RPH3AL: variants seen among roughly 807,000 people sequenced by gnomAD.
RPH3AL encodes the protein rabphilin 3A like (without C2 domains).
A neutral mutation model predicts 43.1 loss-of-function variants in RPH3AL; 38 were observed. The observed-to-expected ratio is 0.88, with a 90% CI of 0.68 to 1.15. The LOEUF (loss-of-function observed/expected upper bound fraction) is 1.15, where lower values mean the gene tolerates loss of function less well. Ranked by LOEUF, RPH3AL falls within the 50% of genes most tolerant of loss-of-function variation. The probability of loss-of-function intolerance (pLI) is 0.00; values close to 1 mark genes in which losing one functional copy is unlikely to be tolerated. For missense variants in RPH3AL, 462 were observed against 423.2 expected, an observed-to-expected ratio of 1.09 and a Z score of -0.81; for synonymous variants, 189 against 176.3, an observed-to-expected ratio of 1.07 and a Z score of -0.57.
intron 5 of RPH3AL, among the ~76,000 whole-genome samples, chr17:299,934 T>C (rs2043280057): frequency 6.6e-6 from 1 of 152,248 alleles, no homozygotes; most frequent in African/African-American, 2.4e-5. Flanking sequence ...AGGACAGCCC[T>C]GACCAGTGTC....
In RPH3AL at chr17:225,554, C is replaced by T. The variant is rs78816783; in HGVS notation, c.614-5818G>A. 0.031 allele frequency among the ~76,000 whole-genome samples: 4,794 copies of T among 152,228 alleles called. 261 individuals carry two copies. Among genetic ancestry groups the T allele is most frequent in the African/African-American group, 0.11 (4,582 of 41,520 alleles). ...TGGAGCAAGTTGTTCCCATGTTGCC[C>T]TTGGGGCAGCTACAGTGAAATTAGA... On this transcript the variant is annotated intron_variant, in intron 7 of 9. Coordinates refer to ENST00000331302, the MANE Select transcript of RPH3AL (RefSeq NM_006987.4). The surrounding 1 kb of genome is among the most constrained non-coding windows in gnomAD (Gnocchi z 4.4).
In RPH3AL at chr17:247,178, C is replaced by T. The variant is rs376263380; in HGVS notation, c.546G>A (p.Thr182=). The part of the protein sequence containing the change: ...ADDPHFRPLP[T]EPAEREPRSS... Reference sequence around the variant, plus strand: ...TTCTGGGCTCTCGCTCTGCCGGTTCCGTGGGCAAAGGTCGGAAGTGGGGGT... The same window carrying T: ...TTCTGGGCTCTCGCTCTGCCGGTTCTGTGGGCAAAGGTCGGAAGTGGGGGT... The change falls in exon 7 of 10, where the codon ACG becomes ACA. Residue 182 remains threonine, a synonymous_variant. Transcript: ENST00000331302. 21 of 1,613,990 alleles carry T rather than the reference C, an allele frequency of 1.3e-5. No individual in the cohort carries two copies. Among genetic ancestry groups the T allele is most frequent in the African/African-American group, 2.7e-5 (2 of 74,920 alleles).
intron 5 of RPH3AL, among the ~76,000 whole-genome samples, chr17:310,009 C>T (rs1265950890): frequency 6.6e-6 from 1 of 152,138 alleles, no homozygotes; most frequent in Non-Finnish European, 1.5e-5. Flanking sequence ...GCAGGCTCCC[C>T]TGCACCCACA....
At chr17:285,288 C>G (rs560675371) in intron 5 of RPH3AL, among the ~76,000 whole-genome samples, 2 of 152,158 alleles carry the variant, frequency 1.3e-5, no homozygotes, top group South Asian at 2.1e-4. Flanking sequence ...CCGCACGGCA[C>G]GGCGCACAGG....
chr17:257,317 TG>T (rs1841101903), intron 6 of RPH3AL, among the ~76,000 whole-genome samples: 1 of 17,660 alleles, frequency 5.7e-5, no homozygotes, highest in African/African-American at 1.5e-4. Flanking sequence ...GTACTTCCTA[TG>T]AGGGGAGCCG....
At chr17:292,281 G>A (rs746110469) in intron 5 of RPH3AL, among the ~76,000 whole-genome samples, 90 of 152,346 alleles carry the variant, frequency 5.9e-4, no homozygotes, top group Middle Eastern at 3.4e-3. Context: ...GGCCAGCAGC[G>A]GAAAGGCTGG....
intron 2 of RPH3AL, chr17:331,551 G>A (rs1379353348): frequency 1.5e-5 from 19 of 1,262,044 alleles, no homozygotes; most frequent in Non-Finnish European, 1.9e-5. Context: ...GAGCAACCTC[G>A]GGACAGATGG....
intron 8 of RPH3AL, among the ~76,000 whole-genome samples, chr17:218,355 C>CT (rs2040863367): frequency 1.5e-4 from 6 of 40,614 alleles, no homozygotes; most frequent in African/African-American, 4.6e-4. Flanking sequence ...TTACAGAGCC[C>CT]TTCTTCTGCG....
Position 235,582 on chromosome 17 carries a change from A to G in RPH3AL, c.613+11529T>C, listed in dbSNP as rs111656206. The stretch of plus-strand genomic sequence containing the variant: ...CAAAGCTGGGGTCGGTGGAGGCTCC[A>G]CACTAACAAGACGGATCCCGGGTTC... On this transcript the variant is annotated intron_variant, in intron 7 of 9. Coordinates refer to ENST00000331302, the MANE Select transcript of RPH3AL (RefSeq NM_006987.4). Among the ~76,000 whole-genome samples the G allele has an allele frequency of 6.3e-3, 401 of 64,108 alleles. 1 individual carries two copies. The highest frequency in any genetic ancestry group is 0.014 in the African/African-American group (218 of 15,858). The allele number at this position is 64,108 out of a possible 152,430, so 42.1% of individuals were successfully genotyped here.
intron 5 of RPH3AL, 105 bp from the exon 6 acceptor site, chr17:281,959 C>T (rs999885455): frequency 3.6e-6 from 3 of 828,690 alleles, no homozygotes; most frequent in East Asian, 5.0e-5. Context: ...TTCCAAGGAG[C>T]GTCTCTTGCT....
intron 5 of RPH3AL, among the ~76,000 whole-genome samples, chr17:286,410 C>G (rs1275826857): frequency 6.6e-6 from 1 of 150,686 alleles, no homozygotes; most frequent in Non-Finnish European, 1.5e-5. Flanking sequence ...TCAGCCATCC[C>G]CCTGCTGCTT....
intron 5 of RPH3AL, among the ~76,000 whole-genome samples, chr17:303,485 A>G (rs9747969): frequency 0.046 from 5,768 of 125,878 alleles, 781 homozygotes; most frequent in East Asian, 0.16. Flanking sequence ...GGCAGGGAGG[A>G]AGGCTGTACT....
chr17:348,337 C>G (rs1408730561), intron 1 of RPH3AL, among the ~76,000 whole-genome samples: 1 of 152,124 alleles, frequency 6.6e-6, no homozygotes, highest in Non-Finnish European at 1.5e-5. Flanking sequence ...TCCACACTAC[C>G]TACACCTCCA....
At chr17:302,190 C>A (rs1042021042) in intron 5 of RPH3AL, among the ~76,000 whole-genome samples, 2 of 152,238 alleles carry the variant, frequency 1.3e-5, no homozygotes, top group African/African-American at 4.8e-5. Context: ...CTGGACTGAG[C>A]CCGAGCTGCC....
At position 246,269 on chromosome 17, in the gene RPH3AL, C is replaced by A. The variant is rs1373407892; in HGVS notation, c.613+842G>T. Among the ~76,000 whole-genome samples the A allele has an allele frequency of 6.6e-6, 1 of 152,056 alleles. No individual in the cohort carries two copies. Among genetic ancestry groups the A allele is most frequent in the Non-Finnish European group, 1.5e-5 (1 of 67,998 alleles). Reference sequence around the variant, plus strand: ...CCTCCAAGACGAGCCATGATCCGAACGAGCCTCCCTCACCCCTCTGCCTGC... The same window carrying A: ...CCTCCAAGACGAGCCATGATCCGAAAGAGCCTCCCTCACCCCTCTGCCTGC... On this transcript the variant is annotated intron_variant, in intron 7 of 9. Coordinates refer to ENST00000331302, the MANE Select transcript of RPH3AL (RefSeq NM_006987.4). The surrounding 1 kb of genome is among the most constrained non-coding windows in gnomAD (Gnocchi z 4.8).
chr17:288,831 TCG>T (rs1222315736), intron 5 of RPH3AL, among the ~76,000 whole-genome samples: 7 of 30,014 alleles, frequency 2.3e-4, no homozygotes, highest in East Asian at 7.9e-4. Context: ...CCGTCAGACC[TCG>T]CACCCTCTCT....
In RPH3AL at chr17:283,112, A is replaced by G. The variant is rs536966982; in HGVS notation, c.352-1258T>C. ...TCAGGACTGTTGCCCCAGCTCATCC[A>G]TCTTTCTGCCACACGGAAGCCACCC... On this transcript the variant is annotated intron_variant, in intron 5 of 9. Coordinates refer to ENST00000331302, the MANE Select transcript of RPH3AL (RefSeq NM_006987.4). This position sits in a 1 kb window ranked among gnomAD's most constrained non-coding sequence, Gnocchi z 4.2. Among the ~76,000 whole-genome samples, 1 of 152,092 alleles carries G rather than the reference A, an allele frequency of 6.6e-6. No individual in the cohort carries two copies. Among genetic ancestry groups the G allele is most frequent in the Non-Finnish European group, 1.5e-5 (1 of 68,012 alleles).
At chr17:280,602 C>T (rs951492779) in intron 6 of RPH3AL, among the ~76,000 whole-genome samples, 31 of 152,120 alleles carry the variant, frequency 2.0e-4, no homozygotes, top group Non-Finnish European at 2.4e-4. Context: ...ACAGGATGAG[C>T]GCACAAACCA....
At chr17:339,258 A>G (rs2045049325) in intron 1 of RPH3AL, 2 of 152,406 alleles carry the variant, frequency 1.3e-5, no homozygotes, top group South Asian at 2.1e-4. Flanking sequence ...TAAGACCCCA[A>G]ATAAGTGAGA....
Sources: gnomAD v4.1 joint callset for allele counts (sites outside exome capture counted in the v4.1 genomes callset) on GRCh38, gnomAD v4.1.1 for gene constraint, Gnocchi (gnomAD v3.1) non-coding constraint, MANE v1.5 for transcripts, NCBI Gene and HGNC (gene_info 2026-07-23, HGNC 2026-07-21) for gene names.